Variants in LIPC observed in about 807,000 individuals in gnomAD.
The protein encoded by LIPC is hepatic triacylglycerol lipase.
Under a neutral mutation model 50.7 loss-of-function variants are expected in LIPC, and 44 were observed. That is an observed-to-expected ratio of 0.87 (90% CI 0.68 to 1.11). The LOEUF is 1.11. Ranked by LOEUF, LIPC falls within the 50% of genes most tolerant of loss-of-function variation. LIPC has a pLI of 0.00. For synonymous variants in LIPC, 271 were observed against 256.4 expected (o/e 1.06, Z -0.54); for missense variants, 697 against 648.2 (o/e 1.08, Z -0.82).
At chr15:58,501,231 C>A (rs1482461911) in intron 1 of LIPC, among the ~76,000 whole-genome samples, 1 of 152,094 alleles carries the variant, frequency 6.6e-6, no homozygotes, top group Non-Finnish European at 1.5e-5. Context: ...TCCTAACAGG[C>A]CCCCTCGCCT....
chr15:58,502,777 T>G (rs1272240852), intron 1 of LIPC, among the ~76,000 whole-genome samples: 2 of 152,118 alleles, frequency 1.3e-5, no homozygotes, highest in African/African-American at 4.8e-5. Flanking sequence ...GCATACTCAG[T>G]CCTTCACTTA....
intron 1 of LIPC, among the ~76,000 whole-genome samples, chr15:58,478,835 A>G (rs552693271): frequency 2.6e-5 from 4 of 152,352 alleles, no homozygotes; most frequent in South Asian, 2.1e-4. Context: ...CCAGCAATCA[A>G]TGCATGAATA....
intron 1 of LIPC, among the ~76,000 whole-genome samples, chr15:58,475,494 C>T (rs1890962365): frequency 1.3e-5 from 2 of 152,176 alleles, no homozygotes; most frequent in African/African-American, 4.8e-5. Context: ...CAACACCCAA[C>T]TCAACTATTA....
At chr15:58,485,095 C>T (rs921311306) in intron 1 of LIPC, among the ~76,000 whole-genome samples, 16 of 152,180 alleles carry the variant, frequency 1.1e-4, no homozygotes, top group African/African-American at 3.9e-4. Context: ...ATGATAGGAA[C>T]CTAACAGCTT....
chr15:58,480,149 A>C (rs1891137752), intron 1 of LIPC, among the ~76,000 whole-genome samples: 1 of 152,174 alleles, frequency 6.6e-6, no homozygotes, highest in Non-Finnish European at 1.5e-5. Context: ...GGCCTGGTGA[A>C]ATCTTACGCA....
chr15:58,491,979 G>A (rs114256263), intron 1 of LIPC, among the ~76,000 whole-genome samples: 3,221 of 152,280 alleles, frequency 0.021, 106 homozygotes, highest in African/African-American at 0.072. Flanking sequence ...CTCTGTAGCT[G>A]CATTTCTGAC....
chr15:58,566,593 T>A, intron 8 of LIPC: 2 of 393,150 alleles, frequency 5.1e-6, no homozygotes, highest in Non-Finnish European at 6.9e-6. Context: ...GTAGGTTAAG[T>A]AACTTGCTCT....
At chr15:58,434,990 T>G (rs1468590471) in intron 1 of LIPC, 1 of 152,238 alleles carries the variant, frequency 6.6e-6, no homozygotes, top group African/African-American at 2.4e-5. Context: ...TTCACACGTT[T>G]CCTCTCTTAA....
At chr15:58,438,940 TGAAGA>T (rs1402343033) in intron 1 of LIPC, among the ~76,000 whole-genome samples, 1 of 152,162 alleles carries the variant, frequency 6.6e-6, no homozygotes, top group African/African-American at 2.4e-5. Context: ...GGGGAAAAAG[TGAAGA>T]GAAGAGAAGG....
chr15:58,561,915 G>A (rs1206583997), intron 7 of LIPC, among the ~76,000 whole-genome samples: 1 of 152,108 alleles, frequency 6.6e-6, no homozygotes, highest in East Asian at 1.9e-4. Context: ...GAATGCCCTT[G>A]GCTGAGAGGA....
chr15:58,505,250 A>T (rs2140845472), intron 1 of LIPC, among the ~76,000 whole-genome samples: 1 of 152,126 alleles, frequency 6.6e-6, no homozygotes, highest in Non-Finnish European at 1.5e-5. Flanking sequence ...CCACATGCCA[A>T]CTCCAGCCTC....
chr15:58,548,599 G>A, intron 6 of LIPC, 27 bp downstream of exon 6: 1 of 1,578,634 alleles, frequency 6.3e-7, no homozygotes, highest in East Asian at 2.3e-5. Flanking sequence ...GGAGCCTTCA[G>A]AAGGGCAGGA....
At chr15:58,507,449 C>A (rs16940391) in intron 1 of LIPC, among the ~76,000 whole-genome samples, 1 of 152,180 alleles carries the variant, frequency 6.6e-6, no homozygotes, top group East Asian at 1.9e-4. Flanking sequence ...TGTGATCAGT[C>A]ATCTGCATAA....
Position 58,548,413 on chromosome 15 carries a change from ATGGCCTACCCG to A in LIPC, c.895_905del (p.Ala299TrpfsTer2). On this transcript the variant is annotated frameshift_variant, in exon 6 of 9. Transcript: ENST00000299022. LOFTEE classifies it high-confidence loss of function. ...CTTGCTGCACGCCGGCACGCAGAGCATGGCCTACCCGTGTGGTGACATGAACAGCTTCAGCC... is the reference window on the plus strand; with the variant it reads ...CTTGCTGCACGCCGGCACGCAGAGCATGTGGTGACATGAACAGCTTCAGCC... The A allele has an allele frequency of 6.2e-7, 1 of 1,614,148 alleles. No homozygotes were observed. Among genetic ancestry groups the A allele is most frequent in the Non-Finnish European group, 8.5e-7 (1 of 1,180,040 alleles).
intron 1 of LIPC, among the ~76,000 whole-genome samples, chr15:58,474,733 T>C (rs1019275203): frequency 1.2e-4 from 18 of 152,146 alleles, no homozygotes; most frequent in Non-Finnish European, 1.6e-4. Flanking sequence ...CCCTGGCCTC[T>C]CTGCCCAGGG....
At position 58,458,765 on chromosome 15, in the gene LIPC, A is replaced by T. The variant is rs562229673; in HGVS notation, c.88+26645A>T. Among the ~76,000 whole-genome samples, 41 of 152,248 alleles carry T rather than the reference A, an allele frequency of 2.7e-4. 1 individual carries two copies. The highest frequency in any genetic ancestry group is 9.6e-4 in the African/African-American group (40 of 41,544). On this transcript the variant is annotated intron_variant, in intron 1 of 8. Transcript: ENST00000299022. ...TCAAAATTACACATCTTATACAACT[A>T]GCTCCTGTCCCTGCACCATTCCTGT... is the stretch of plus-strand genomic sequence containing the variant.
chr15:58,467,367 C>T (rs1894606892), intron 1 of LIPC, among the ~76,000 whole-genome samples: 1 of 152,186 alleles, frequency 6.6e-6, no homozygotes, highest in South Asian at 2.1e-4. Flanking sequence ...CTCAGAACCG[C>T]TCTTGAGCTC....
At chr15:58,557,217 G>A (rs1893982913) in intron 6 of LIPC, among the ~76,000 whole-genome samples, 1 of 152,058 alleles carries the variant, frequency 6.6e-6, no homozygotes, top group South Asian at 2.1e-4. Context: ...TCCGAGAAAA[G>A]TCACTTAACT....
intron 1 of LIPC, among the ~76,000 whole-genome samples, chr15:58,532,108 T>C (rs4775071): frequency 6.6e-6 from 1 of 151,994 alleles, no homozygotes; most frequent in Non-Finnish European, 1.5e-5. Flanking sequence ...AAGAAAAAAG[T>C]AAATGGGAGG....
Sources: gnomAD v4.1 joint callset for allele counts (sites outside exome capture counted in the v4.1 genomes callset) on GRCh38, gnomAD v4.1.1 for gene constraint, MANE v1.5 for transcripts, NCBI Gene and HGNC (gene_info 2026-07-23, HGNC 2026-07-21) for gene names.